PAK1: variants seen among roughly 807,000 people sequenced by gnomAD.
PAK1 encodes the protein p21 (RAC1) activated kinase 1.
In PAK1, 29 loss-of-function variants were observed where a neutral mutation model predicts 67.4. The ratio of observed to expected loss-of-function variants is 0.43; its 90% CI spans 0.32 to 0.59. PAK1 has a LOEUF of 0.59. PAK1 is among the 20% of genes least tolerant of loss of function. The pLI, the probability that PAK1 is intolerant of heterozygous loss-of-function variation, is 0.07. For missense variants in PAK1, 337 were observed against 670.7 expected, an observed-to-expected ratio of 0.50 and a Z score of 5.50; for synonymous variants, 223 against 237.4, an observed-to-expected ratio of 0.94 and a Z score of 0.56.
chr11:77,358,637 G>A (rs1016371114), intron 6 of PAK1, among the ~76,000 whole-genome samples: 5 of 152,100 alleles, frequency 3.3e-5, no homozygotes, highest in African/African-American at 1.2e-4. Flanking sequence ...TATCTGTGGA[G>A]AACCGAGACT....
chr11:77,365,194 G>A (rs1210733777), intron 5 of PAK1, among the ~76,000 whole-genome samples: 2 of 147,878 alleles, frequency 1.4e-5, no homozygotes, highest in East Asian at 2.0e-4. Flanking sequence ...AGAGGTTGCA[G>A]TGAGCTGAGA....
upstream of PAK1, chr11:77,474,321 C>G (rs1958018691): frequency 6.6e-6 from 1 of 152,130 alleles, no homozygotes; most frequent in African/African-American, 2.4e-5. Context: ...AGGCCAAACC[C>G]TGGCCCGCAT....
At chr11:77,509,508 C>T in the PAK1 span, among the ~76,000 whole-genome samples, 1 of 152,264 alleles carries the variant, frequency 6.6e-6, no homozygotes, top group Non-Finnish European at 1.5e-5. Flanking sequence ...CCAATTGTGG[C>T]AACCCCAGTT....
chr11:77,522,429 C>G, the PAK1 span, among the ~76,000 whole-genome samples: 1 of 152,176 alleles, frequency 6.6e-6, no homozygotes, highest in Non-Finnish European at 1.5e-5. Flanking sequence ...CCCTTCCAGT[C>G]AAAGCCTTAG....
chr11:77,336,996 A>C (rs1942805187), intron 12 of PAK1, among the ~76,000 whole-genome samples: 1 of 151,452 alleles, frequency 6.6e-6, no homozygotes, highest in Non-Finnish European at 1.5e-5. Context: ...AATTATACAA[A>C]ACTCTTTTTT....
chr11:77,353,715 A>C, intron 7 of PAK1, 116 bp from the exon 8 acceptor site: 1 of 763,998 alleles, frequency 1.3e-6, no homozygotes, highest in Non-Finnish European at 2.3e-6. Flanking sequence ...TCCAATAGCC[A>C]AAAAGCATGC....
chr11:77,394,456 T>C (rs1774575584), intron 1 of PAK1, among the ~76,000 whole-genome samples: 1 of 152,116 alleles, frequency 6.6e-6, no homozygotes, highest in Non-Finnish European at 1.5e-5. Context: ...TTTAACAATT[T>C]CTAATAAAGA....
the PAK1 span, among the ~76,000 whole-genome samples, chr11:77,493,309 G>T: frequency 2.1e-5 from 3 of 141,808 alleles, no homozygotes; most frequent in Non-Finnish European, 4.5e-5. Context: ...GTCTCTCTGT[G>T]TTGCCCAGGT....
At chr11:77,502,211 CTTAAT>C in the PAK1 span, among the ~76,000 whole-genome samples, 1 of 151,940 alleles carries the variant, frequency 6.6e-6, no homozygotes, top group Non-Finnish European at 1.5e-5. Flanking sequence ...TTAAAGTTTT[CTTAAT>C]TTTTCAGTTT....
At chr11:77,336,032 C>G (rs1591722817) in intron 13 of PAK1, 54 bp downstream of exon 13, 12 of 1,158,666 alleles carry the variant, frequency 1.0e-5, no homozygotes, top group Non-Finnish European at 1.5e-5. Context: ...TTCTTATTTC[C>G]TGGGACTAGA....
chr11:77,528,516 T>C, the PAK1 span, among the ~76,000 whole-genome samples: 1 of 152,090 alleles, frequency 6.6e-6, no homozygotes, highest in Non-Finnish European at 1.5e-5. Flanking sequence ...GGCTAATTTT[T>C]AAACTTTTGG....
At chr11:77,428,013 T>C (rs112946376) in intron 1 of PAK1, among the ~76,000 whole-genome samples, 4,920 of 152,204 alleles carry the variant, frequency 0.032, 133 homozygotes, top group African/African-American at 0.075. Context: ...GTGGCGATAG[T>C]TGGAGTGCAC....
intron 1 of PAK1, among the ~76,000 whole-genome samples, chr11:77,415,976 G>GTATTATTAT (rs71043573): frequency 1.7e-3 from 245 of 147,424 alleles, no homozygotes; most frequent in East Asian, 6.7e-3. Context: ...TGTATTCTTT[G>GTATTATTAT]TATTATTATT....
chr11:77,351,350 C>T (rs1438709507), intron 8 of PAK1, among the ~76,000 whole-genome samples: 1 of 150,914 alleles, frequency 6.6e-6, no homozygotes, highest in Admixed American at 6.6e-5. Flanking sequence ...GGTAAAAGGT[C>T]CTCAATTCAC....
At chr11:77,462,292 C>T (rs183125016) in intron 1 of PAK1, among the ~76,000 whole-genome samples, 1,789 of 151,278 alleles carry the variant, frequency 0.012, 34 homozygotes, top group African/African-American at 0.041. Flanking sequence ...GATTGCTCCA[C>T]TGCACTCCAG....
intron 1 of PAK1, among the ~76,000 whole-genome samples, chr11:77,454,027 G>A (rs1304982178): frequency 1.3e-5 from 2 of 152,186 alleles, no homozygotes; most frequent in South Asian, 2.1e-4. Flanking sequence ...TCAGGCCACT[G>A]TACTCCAGCC....
upstream of PAK1, among the ~76,000 whole-genome samples, chr11:77,479,547 G>A (rs896523162): frequency 1.3e-5 from 2 of 151,724 alleles, no homozygotes; most frequent in African/African-American, 4.8e-5. Flanking sequence ...ACACACGAAG[G>A]CTGGAGCTGG....
At chr11:77,435,011 G>T (rs1186414282) in intron 1 of PAK1, among the ~76,000 whole-genome samples, 1 of 150,190 alleles carries the variant, frequency 6.7e-6, no homozygotes, top group East Asian at 2.0e-4. Context: ...GGATCTTCCT[G>T]ATTCAGCTTC....
intron 2 of PAK1, among the ~76,000 whole-genome samples, chr11:77,386,232 T>A (rs1000405682): frequency 6.6e-6 from 1 of 152,178 alleles, no homozygotes; most frequent in African/African-American, 2.4e-5. Context: ...AAAAAATGAT[T>A]TTTAAGCAGC....
Sources: gnomAD v4.1 joint callset for allele counts (sites outside exome capture counted in the v4.1 genomes callset) on GRCh38, gnomAD v4.1.1 for gene constraint, MANE v1.5 for transcripts, NCBI Gene and HGNC (gene_info 2026-07-23, HGNC 2026-07-21) for gene names.